The following AMOT variants were observed in gnomAD, a reference collection of about 807,000 sequenced individuals.
AMOT encodes angiomotin.
Under a neutral mutation model 67.0 loss-of-function variants are expected in AMOT, and 11 were observed. The ratio of observed to expected loss-of-function variants is 0.16; its 90% confidence interval spans 0.10 to 0.27. The LOEUF (loss-of-function observed/expected upper bound fraction) is 0.27, where lower values mean the gene tolerates loss of function less well. Ranked by LOEUF, AMOT falls within the 10% of genes least tolerant of loss-of-function variation. AMOT has a pLI of 1.00. For synonymous variants in AMOT, 326 were observed against 321.4 expected, an observed-to-expected ratio of 1.01 and a Z score of -0.15; for missense variants, 753 against 852.0, an observed-to-expected ratio of 0.88 and a Z score of 1.45.
intron 4 of AMOT, among the ~76,000 whole-genome samples, chrX:112,817,871 T>C (rs890572127): frequency 8.9e-6 from 1 of 112,049 alleles, no homozygotes; most frequent in Admixed American, 9.5e-5. Flanking sequence ...ATACATTTAT[T>C]TGGTGAAGAG....
Position 112,811,131 on chromosome X carries a change from T to C in AMOT, c.1537+118A>G, listed in dbSNP as rs1262428516. The C allele has an allele frequency of 3.1e-6, 3 of 953,951 alleles. No individual in the cohort carries two copies. The African/African-American group carries it at 5.9e-5, about 19-fold the overall frequency. The allele number at this position is 953,951 out of a possible 1,213,427, so 78.6% of individuals were successfully genotyped here. ...GCCTGGCACATGCCCAGCCATTTAC[T>C]GCCCATACCGGTGGGTTGGACAACC... On this transcript the variant is annotated intron_variant, in intron 6 of 13. Coordinates refer to ENST00000371959, the MANE Select transcript of AMOT (RefSeq NM_001113490.2).
At chrX:112,810,998 T>A (rs1394104641) in intron 6 of AMOT, among the ~76,000 whole-genome samples, 1 of 111,906 alleles carries the variant, frequency 8.9e-6, no homozygotes, top group African/African-American at 3.3e-5. Context: ...CCAGCAGGGA[T>A]CCTGCCTGAT....
chrX:112,791,886 C>A lies in AMOT; in HGVS notation c.1872G>T (p.Glu624Asp). The A allele has an allele frequency of 8.3e-7, 1 of 1,211,947 alleles. No individual in the cohort carries two copies. Among genetic ancestry groups the A allele is most frequent in the Non-Finnish European group, 1.1e-6 (1 of 895,574 alleles). The change falls in exon 9 of 14, where the codon GAG becomes GAT. Residue 624 changes from glutamate to aspartate, a missense_variant. By Grantham distance (45) the Glu-to-Asp change is conservative (BLOSUM62 2). Transcript: ENST00000371959. ...TCTCCAGTCGTGTCCGGAGACGGTG[C>A]TCTAGCTGCTCACGTTTTTCACATG... ...QAACEKREQL[E>D]HRLRTRLERE...
chrX:112,806,127 G>A lies in AMOT; in HGVS notation c.1631-1035C>T, dbSNP rs1457163698. Among the ~76,000 whole-genome samples, 3 of 108,668 alleles carry A rather than the reference G, an allele frequency of 2.8e-5. 1 individual carries two copies. The highest frequency in any genetic ancestry group is 8.2e-4 in the South Asian group (2 of 2,435). The allele number at this position is 108,668 out of a possible 115,157, so 94.4% of individuals were successfully genotyped here. On this transcript the variant is annotated intron_variant, in intron 7 of 13. Transcript: ENST00000371959. ...CTAAAAACACAAAAATTAGCTGGGCGTGGTGGCACACGACTGTAATCCCAG... is the reference window on the plus strand; with the variant it reads ...CTAAAAACACAAAAATTAGCTGGGCATGGTGGCACACGACTGTAATCCCAG...
intron 2 of AMOT, among the ~76,000 whole-genome samples, chrX:112,825,687 C>T (rs1180036111): frequency 9.0e-6 from 1 of 110,640 alleles, no homozygotes; most frequent in African/African-American, 3.3e-5. Flanking sequence ...CAGTGAGGCT[C>T]CCAATTTGAG....
chrX:112,804,175 C>T (rs1934097916), intron 8 of AMOT, among the ~76,000 whole-genome samples: 1 of 111,570 alleles, frequency 9.0e-6, no homozygotes, highest in Non-Finnish European at 1.9e-5. Context: ...GGGGCCCTTG[C>T]ATTTGTCAAG....
At chrX:112,833,208 A>G in intron 1 of AMOT, among the ~76,000 whole-genome samples, 1 of 111,543 alleles carries the variant, frequency 9.0e-6, no homozygotes, top group Non-Finnish European at 1.9e-5. Flanking sequence ...CATATTTTAC[A>G]TTTGGCTATA....
chrX:112,821,012 G>A lies in AMOT; in HGVS notation c.872+1243C>T, dbSNP rs76560886. On this transcript the variant is annotated intron_variant, in intron 4 of 13. Transcript: ENST00000371959. ...TTAGAGGTGGAGTCCAAAGTGAATTGCCTCTGGCTACAAAAACAGGACCTG... is the reference window on the plus strand; with the variant it reads ...TTAGAGGTGGAGTCCAAAGTGAATTACCTCTGGCTACAAAAACAGGACCTG... Among the ~76,000 whole-genome samples the A allele has an allele frequency of 3.9e-4, 42 of 107,905 alleles. No individual in the cohort carries two copies. The East Asian group carries it at 4.7e-3, about 12-fold the overall frequency. The allele number at this position is 107,905 out of a possible 115,157, so 93.7% of individuals were successfully genotyped here.
At chrX:112,804,898 T>TACCCCCC in intron 8 of AMOT, 49 bp downstream of exon 8, 1 of 837,584 alleles carries the variant, frequency 1.2e-6, no homozygotes, top group Non-Finnish European at 1.7e-6. Flanking sequence ...GTCCCCGATT[T>TACCCCCC]CCCAGCCCTC....
intron 8 of AMOT, among the ~76,000 whole-genome samples, chrX:112,801,843 A>G (rs1934028900): frequency 8.9e-6 from 1 of 112,801 alleles, no homozygotes; most frequent in Admixed American, 9.3e-5. Context: ...TAGAAGGCTG[A>G]GAAAAATAGT....
At chrX:112,791,198 G>A (rs1196004494) in intron 9 of AMOT, among the ~76,000 whole-genome samples, 2 of 108,446 alleles carry the variant, frequency 1.8e-5, no homozygotes, top group East Asian at 5.8e-4. Context: ...TAGTCAACAT[G>A]GTGAATCCCC....
Position 112,779,141 on chromosome X carries a change from T to A in AMOT, c.3013A>T (p.Thr1005Ser). The change falls in exon 13 of 14, where the codon ACT (threonine) becomes TCT (serine). Residue 1005 changes from threonine to serine, a missense_variant. Coordinates refer to ENST00000371959, the MANE Select transcript of AMOT (RefSeq NM_001113490.2). The part of the protein sequence containing the change: ...ASAPAQTQAP[T>S]SAPAVAPTPA... Reference sequence around the variant, plus strand: ...GTTGGAGCCACAGCCGGAGCTGAAGTTGGTGCCTGAGTCTGAGCAGGAGCA... The same window carrying A: ...GTTGGAGCCACAGCCGGAGCTGAAGATGGTGCCTGAGTCTGAGCAGGAGCA... The A allele has an allele frequency of 9.7e-7, 1 of 1,029,800 alleles. No homozygotes were observed. Among genetic ancestry groups the A allele is most frequent in the Admixed American group, 2.2e-5 (1 of 45,736 alleles). The allele number at this position is 1,029,800 out of a possible 1,213,427, so 84.9% of individuals were successfully genotyped here. A position where few individuals can be genotyped will look rare whatever the true frequency, so the allele number is the denominator to read the frequency against.
chrX:112,822,135 T>C, intron 4 of AMOT, 120 bp downstream of exon 4: 22 of 922,800 alleles, frequency 2.4e-5, no homozygotes, highest in Non-Finnish European at 2.5e-5. Flanking sequence ...CAGAGGCCTG[T>C]CATGCATTGC....
At chrX:112,789,158 C>G (rs1053247049) in intron 10 of AMOT, among the ~76,000 whole-genome samples, 2 of 112,155 alleles carry the variant, frequency 1.8e-5, no homozygotes, top group Non-Finnish European at 3.8e-5. Flanking sequence ...TACCCTGTAT[C>G]TTTCCACCTG....
At chrX:112,779,831 T>A (rs1933080810) in intron 12 of AMOT, 151 bp from the exon 13 acceptor site, 2 of 252,400 alleles carry the variant, frequency 7.9e-6, no homozygotes, top group Non-Finnish European at 1.3e-5. Flanking sequence ...TTATTATTTT[T>A]AAATATTAAA....
intron 1 of AMOT, among the ~76,000 whole-genome samples, chrX:112,832,696 C>T (rs764807048): frequency 7.1e-5 from 8 of 112,131 alleles, no homozygotes; most frequent in South Asian, 3.7e-4. Context: ...TGTTTCCCCA[C>T]GCCAACACTG....
chrX:112,819,378 TC>T, intron 4 of AMOT: 3 of 754,412 alleles, frequency 4.0e-6, no homozygotes, highest in Admixed American at 8.6e-5. Context: ...AATCTGTGAA[TC>T]CTGGAGCAGG....
At chrX:112,793,739 C>T (rs147390953) in intron 8 of AMOT, among the ~76,000 whole-genome samples, 2,134 of 111,568 alleles carry the variant, frequency 0.019, 57 homozygotes, top group African/African-American at 0.065. Context: ...GAGGTGAGTT[C>T]GAAGCCTATA....
chrX:112,838,907 G>A (rs1935209190), intron 1 of AMOT, among the ~76,000 whole-genome samples: 1 of 112,320 alleles, frequency 8.9e-6, no homozygotes, highest in Non-Finnish European at 1.9e-5. Flanking sequence ...AACCCATACA[G>A]AATAGTTGGA....
Sources: allele counts gnomAD v4.1 joint callset (sites outside exome capture counted in the v4.1 genomes callset), GRCh38; gene constraint gnomAD v4.1.1; transcripts MANE v1.5; gene names NCBI Gene and HGNC (gene_info 2026-07-23, HGNC 2026-07-21).